FRMD4A: variants seen among roughly 807,000 people sequenced by gnomAD.
FRMD4A encodes the protein FERM domain-containing protein 4A.
In FRMD4A, 29 loss-of-function variants were observed where a neutral mutation model predicts 129.1. That is an observed-to-expected ratio of 0.22 (90% CI 0.17 to 0.31). The LOEUF (loss-of-function observed/expected upper bound fraction) is 0.31. FRMD4A is among the 10% of genes least tolerant of loss of function. The pLI, the probability that FRMD4A is intolerant of heterozygous loss-of-function variation, is 1.00. For missense variants in FRMD4A, 1,272 were observed against 1,375.8 expected, an observed-to-expected ratio of 0.92 and a Z score of 1.19; for synonymous variants, 634 against 571.6, an observed-to-expected ratio of 1.11 and a Z score of -1.56.
At chr10:14,057,380 G>C (rs182268672) in intron 2 of FRMD4A, among the ~76,000 whole-genome samples, 1 of 152,252 alleles carries the variant, frequency 6.6e-6, no homozygotes, top group East Asian at 1.9e-4. Flanking sequence ...CCTAGAGCTG[G>C]GGTTATAGGA....
chr10:14,006,585 C>T lies in FRMD4A; in HGVS notation c.46-147673G>A, dbSNP rs61835688. 6.6e-5 allele frequency among the ~76,000 whole-genome samples: 10 copies of T among 152,142 alleles called. 1 individual carries two copies. The highest frequency in any genetic ancestry group is 4.1e-4 in the South Asian group (2 of 4,822). On this transcript the variant is annotated intron_variant, in intron 2 of 24. Transcript: ENST00000357447. ...CTGGATTTGTGTGTGTGTGTGTGCG[C>T]GTCTATAAAGGAAGACTATGTGCTC...
At chr10:13,799,563 C>T (rs572432404) in intron 4 of FRMD4A, among the ~76,000 whole-genome samples, 1 of 152,306 alleles carries the variant, frequency 6.6e-6, no homozygotes, top group South Asian at 2.1e-4. Context: ...TCTTAAGCTG[C>T]AACCACTTCC....
chr10:13,782,792 T>A, intron 6 of FRMD4A, 130 bp downstream of exon 6: 1 of 672,184 alleles, frequency 1.5e-6, no homozygotes, highest in South Asian at 1.8e-5. Context: ...TTCCATTTAT[T>A]TATAGTAATT....
At chr10:13,682,783 C>T (rs1014254052) in intron 15 of FRMD4A, among the ~76,000 whole-genome samples, 20 of 152,150 alleles carry the variant, frequency 1.3e-4, no homozygotes, top group African/African-American at 4.8e-4. Context: ...GCTGGGATTA[C>T]AGGCGTGAGC....
intron 2 of FRMD4A, among the ~76,000 whole-genome samples, chr10:14,265,178 C>T (rs966422709): frequency 2.6e-5 from 4 of 152,144 alleles, no homozygotes; most frequent in Non-Finnish European, 4.4e-5. Flanking sequence ...CTCTTAGTAC[C>T]CAACGTAGAG....
At chr10:14,117,715 C>T (rs1366053375) in intron 2 of FRMD4A, among the ~76,000 whole-genome samples, 1 of 152,188 alleles carries the variant, frequency 6.6e-6, no homozygotes, top group African/African-American at 2.4e-5. Flanking sequence ...GAGCTGGCTA[C>T]GTTCATTCAT....
intron 12 of FRMD4A, among the ~76,000 whole-genome samples, chr10:13,725,537 C>CT (rs538714327): frequency 6.3e-4 from 93 of 147,734 alleles, no homozygotes; most frequent in East Asian, 1.4e-3. Flanking sequence ...CAGGGCAATG[C>CT]TTTTTTTTTT....
intron 2 of FRMD4A, among the ~76,000 whole-genome samples, chr10:13,969,726 G>A (rs2095506503): frequency 6.8e-6 from 1 of 147,928 alleles, no homozygotes; most frequent in Non-Finnish European, 1.5e-5. Context: ...TGGTGACATG[G>A]TCCCAGCTAT....
At chr10:14,096,458 T>C (rs896526546) in intron 2 of FRMD4A, among the ~76,000 whole-genome samples, 2 of 152,256 alleles carry the variant, frequency 1.3e-5, no homozygotes, top group Admixed American at 1.3e-4. Flanking sequence ...GAGAGACTTC[T>C]GATCTCAAAA....
intron 5 of FRMD4A, among the ~76,000 whole-genome samples, chr10:13,784,990 C>CA (rs35375065): frequency 0.38 from 37,634 of 98,144 alleles, 6,488 homozygotes; most frequent in East Asian, 0.56. Flanking sequence ...GACTCTATCT[C>CA]AAAAAAAAAA....
intron 2 of FRMD4A, among the ~76,000 whole-genome samples, chr10:14,038,899 C>G (rs1833630992): frequency 6.6e-6 from 1 of 152,160 alleles, no homozygotes; most frequent in African/African-American, 2.4e-5. Context: ...CTCAAGGTCA[C>G]TAGCTGTGTT....
intron 2 of FRMD4A, among the ~76,000 whole-genome samples, chr10:14,204,523 G>A (rs989392487): frequency 1.1e-4 from 17 of 152,000 alleles, no homozygotes; most frequent in African/African-American, 2.4e-4. Context: ...ATTATCACAC[G>A]TCACGGTGAA....
At chr10:14,013,294 G>C (rs1017760340) in intron 2 of FRMD4A, among the ~76,000 whole-genome samples, 1 of 152,082 alleles carries the variant, frequency 6.6e-6, no homozygotes, top group Non-Finnish European at 1.5e-5. Flanking sequence ...TCTCAGTGTC[G>C]TTTGAGGGCT....
intron 15 of FRMD4A, chr10:13,693,498 G>A: frequency 8.6e-7 from 1 of 1,164,118 alleles, no homozygotes; most frequent in Non-Finnish European, 1.1e-6. Context: ...GTAGAATGCA[G>A]TGTCTCCTGG....
At position 13,700,111 on chromosome 10, in the gene FRMD4A, C is replaced by G. The variant is rs7902659; in HGVS notation, c.975+1229G>C. Among the ~76,000 whole-genome samples the G allele has an allele frequency of 7.2e-4, 107 of 149,530 alleles. No homozygotes were observed. In the South Asian group the frequency reaches 0.023, roughly 32 times the overall value. ...TCATTTCGTCCTGTCCTCTTTTCTT[C>G]TTTTTTTTTTCTTTTAGTAGAGATG... On this transcript the variant is annotated intron_variant, in intron 14 of 24. Coordinates refer to ENST00000357447, the MANE Select transcript of FRMD4A (RefSeq NM_018027.5).
At chr10:13,932,319 T>C (rs1344372945) in intron 2 of FRMD4A, among the ~76,000 whole-genome samples, 1 of 152,244 alleles carries the variant, frequency 6.6e-6, no homozygotes, top group African/African-American at 2.4e-5. Context: ...TCATGTCCTC[T>C]CTGTGGCTTT....
chr10:14,016,478 A>G (rs1214055009), intron 2 of FRMD4A, among the ~76,000 whole-genome samples: 1 of 152,210 alleles, frequency 6.6e-6, no homozygotes, highest in Non-Finnish European at 1.5e-5. Flanking sequence ...CCGTCTAGCC[A>G]TCTGCCTCTT....
intron 2 of FRMD4A, among the ~76,000 whole-genome samples, chr10:14,159,032 A>G (rs765314888): frequency 6.6e-6 from 1 of 152,228 alleles, no homozygotes; most frequent in Non-Finnish European, 1.5e-5. Flanking sequence ...GCTTGGGTGC[A>G]TGGATGGAAT....
chr10:13,969,358 A>G (rs565176622), intron 2 of FRMD4A, among the ~76,000 whole-genome samples: 94 of 152,388 alleles, frequency 6.2e-4, no homozygotes, highest in Middle Eastern at 6.8e-3. Context: ...CCAAACGCCT[A>G]TGATGGGGCC....
Sources: allele counts gnomAD v4.1 joint callset (sites outside exome capture counted in the v4.1 genomes callset), GRCh38; gene constraint gnomAD v4.1.1; transcripts MANE v1.5; gene names NCBI Gene and HGNC (gene_info 2026-07-23, HGNC 2026-07-21).